STAT4: variants seen among roughly 807,000 people sequenced by gnomAD.
The protein encoded by STAT4 is signal transducer and activator of transcription 4.
In STAT4, 42 loss-of-function variants were observed where a neutral mutation model predicts 110.5. The observed-to-expected ratio is 0.38, with a 90% CI of 0.30 to 0.49. STAT4 has a LOEUF of 0.49. Among genes scored for constraint, STAT4 ranks in the 20% least tolerant of loss-of-function variants. STAT4 has a pLI of 0.95. For missense variants in STAT4, 632 were observed against 887.9 expected (o/e 0.71, Z 3.66); for synonymous variants, 284 against 302.2 (o/e 0.94, Z 0.63).
Position 191,066,506 on chromosome 2 carries a change from T to C in STAT4, c.554A>G (p.Asp185Gly). The C allele has an allele frequency of 6.2e-7, 1 of 1,613,300 alleles. No homozygotes were observed. Among genetic ancestry groups the C allele is most frequent in the Non-Finnish European group, 8.5e-7 (1 of 1,179,550 alleles). ...CTGATTCACCATGGCACTATTCTTG[T>C]CACTCTGATCTGCAAAGGTAAAGAG... ...YKTIQTMDQS[D>G]KNSAMVNQEV... Residue 185 changes from aspartate to glycine, a missense_variant, in exon 7 of 24, where the codon GAC becomes GGC. Asp to Gly is a moderately conservative substitution (Grantham distance 94). Around this residue, in one of 4 missense-constraint regions of STAT4, gnomAD observed 488 missense variants for 632.8 expected, o/e 0.77. Coordinates refer to ENST00000392320, the MANE Select transcript of STAT4 (RefSeq NM_003151.4). The surrounding 1 kb of genome is among the most constrained non-coding windows in gnomAD (Gnocchi z 4.3).
intron 14 of STAT4, among the ~76,000 whole-genome samples, chr2:191,049,167 CTTTT>C (rs11410725): frequency 1.3e-4 from 14 of 104,126 alleles, no homozygotes; most frequent in Non-Finnish European, 2.5e-4. Flanking sequence ...ATGGTAATAG[CTTTT>C]TTTTTTTTTT....
intron 3 of STAT4, among the ~76,000 whole-genome samples, chr2:191,136,020 AAACCAAAAAAC>A (rs1306768909): frequency 3.0e-5 from 4 of 133,402 alleles, no homozygotes; most frequent in African/African-American, 1.1e-4. Context: ...AAAAAAAAAA[AAACCAAAAAAC>A]AAAAAACCAA....
intron 13 of STAT4, 79 bp downstream of exon 13, chr2:191,057,939 A>G: frequency 8.3e-7 from 1 of 1,209,018 alleles, no homozygotes; most frequent in Non-Finnish European, 1.2e-6. Context: ...CACAAAACAT[A>G]CTGAATTATA....
rs1325446789 is a variant in STAT4 at position 191,143,728 on chromosome 2, A to G, written c.273+2885T>C. On this transcript the variant is annotated intron_variant, in intron 3 of 23. Transcript: ENST00000392320. The surrounding 1 kb of genome is among the most constrained non-coding windows in gnomAD (Gnocchi z 5.6). ...TAATTGTCAACATGGTTTGTATTTA[A>G]AATCCCAGAGGATGAAAATATTTAA... Among the ~76,000 whole-genome samples, 2 of 152,224 alleles carry G rather than the reference A, an allele frequency of 1.3e-5. No homozygotes were observed. Among genetic ancestry groups the G allele is most frequent in the Non-Finnish European group, 2.9e-5 (2 of 68,036 alleles).
In STAT4 at chr2:191,035,091, C is replaced by G. The variant is rs559752838; in HGVS notation, c.1571-494G>C. 6.6e-6 allele frequency among the ~76,000 whole-genome samples: 1 copy of G among 152,248 alleles called. No individual in the cohort carries two copies. The highest frequency in any genetic ancestry group is 1.9e-4 in the East Asian group (1 of 5,184). ...GGACTAGAAATCTATTAGATAGTAG[C>G]CATTGGCTGTTTTGATCCAGAGCAG... On this transcript the variant is annotated intron_variant, in intron 17 of 23. Coordinates refer to ENST00000392320, the MANE Select transcript of STAT4 (RefSeq NM_003151.4). The surrounding 1 kb of genome is among the most constrained non-coding windows in gnomAD (Gnocchi z 4.7).
chr2:191,052,548 T>C (rs1264697233), intron 14 of STAT4, among the ~76,000 whole-genome samples: 1 of 152,254 alleles, frequency 6.6e-6, no homozygotes, highest in Admixed American at 6.5e-5. Context: ...ATGATTTACC[T>C]AGATTTCCGT....
chr2:191,085,625 A>G (rs1697615625), intron 3 of STAT4, among the ~76,000 whole-genome samples: 1 of 152,196 alleles, frequency 6.6e-6, no homozygotes, highest in Non-Finnish European at 1.5e-5. Context: ...TGTCATCCAC[A>G]AACAATTGTT....
chr2:191,064,242 G>A (rs1696924458), intron 8 of STAT4, among the ~76,000 whole-genome samples: 1 of 152,158 alleles, frequency 6.6e-6, no homozygotes, highest in Non-Finnish European at 1.5e-5. Flanking sequence ...GGAATAACAT[G>A]CATTATTACC....
chr2:191,115,004 G>T (rs1698534599), intron 3 of STAT4, among the ~76,000 whole-genome samples: 1 of 152,086 alleles, frequency 6.6e-6, no homozygotes, highest in Admixed American at 6.6e-5. Context: ...AGGTAAATTT[G>T]TTTTTTCCCT....
chr2:191,064,794 C>G lies in STAT4; in HGVS notation c.782+13G>C, dbSNP rs1235541891. 7.5e-6 allele frequency: 12 copies of G among 1,603,112 alleles called. No homozygotes were observed. The highest frequency in any genetic ancestry group is 9.4e-6 in the Non-Finnish European group (11 of 1,175,790). On this transcript the variant is annotated intron_variant, in intron 8 of 23. Transcript: ENST00000392320. ...TGTGGTTTTCACTAGAAACTGCAGT[C>G]GATTCGTTTTACCAGTTCTGAAGCT...
At chr2:191,044,348 CAAGAT>C (rs1696288653) in intron 14 of STAT4, among the ~76,000 whole-genome samples, 1 of 152,090 alleles carries the variant, frequency 6.6e-6, no homozygotes. Flanking sequence ...AATCAGAATA[CAAGAT>C]AAGTAGAAGA....
intron 3 of STAT4, among the ~76,000 whole-genome samples, chr2:191,122,642 T>C (rs1698769968): frequency 1.3e-5 from 2 of 152,214 alleles, no homozygotes; most frequent in Admixed American, 6.5e-5. Context: ...TAAATTGTAC[T>C]ATAGTTATAC....
chr2:191,095,498 T>C (rs1001553572), intron 3 of STAT4, among the ~76,000 whole-genome samples: 3 of 152,194 alleles, frequency 2.0e-5, no homozygotes, highest in African/African-American at 7.2e-5. Context: ...CTGAACAACA[T>C]GCTCCTGAAT....
At position 191,031,812 on chromosome 2, in the gene STAT4, T is replaced by G. The variant is rs961212424; in HGVS notation, c.2045-296A>C. Among the ~76,000 whole-genome samples, 13 of 152,244 alleles carry G rather than the reference T, an allele frequency of 8.5e-5. No individual in the cohort carries two copies. The highest frequency in any genetic ancestry group is 3.1e-4 in the African/African-American group (13 of 41,458). ...CAACTCTATTACCTGTTTTCTACGT[T>G]TCATTTATGTTTGATTATAAGGACT... On this transcript the variant is annotated intron_variant, in intron 21 of 23. Coordinates refer to ENST00000392320, the MANE Select transcript of STAT4 (RefSeq NM_003151.4). The surrounding 1 kb of genome is among the most constrained non-coding windows in gnomAD (Gnocchi z 4.8).
chr2:191,132,184 G>C (rs1699053954), intron 3 of STAT4, among the ~76,000 whole-genome samples: 1 of 151,694 alleles, frequency 6.6e-6, no homozygotes, highest in African/African-American at 2.4e-5. Context: ...AATCTTTTCT[G>C]ATTAGTTATT....
chr2:191,117,345 T>C lies in STAT4; in HGVS notation c.273+29268A>G, dbSNP rs1698598436. On this transcript the variant is annotated intron_variant, in intron 3 of 23. Transcript: ENST00000392320. The surrounding 1 kb of genome is among the most constrained non-coding windows in gnomAD (Gnocchi z 5.2). Reference sequence around the variant, plus strand: ...TGTTCTGACTTCAAATTTCAAAGACTTGCCATTGCATCTAATTTAGTGCCA... The same window carrying C: ...TGTTCTGACTTCAAATTTCAAAGACCTGCCATTGCATCTAATTTAGTGCCA... Among the ~76,000 whole-genome samples the C allele has an allele frequency of 6.6e-6, 1 of 152,228 alleles. No individual in the cohort carries two copies. Among genetic ancestry groups the C allele is most frequent in the Non-Finnish European group, 1.5e-5 (1 of 68,044 alleles).
At chr2:191,131,995 C>T (rs1699049169) in intron 3 of STAT4, 1 of 1,227,458 alleles carries the variant, frequency 8.1e-7, no homozygotes, top group Admixed American at 4.2e-5. Flanking sequence ...CAGCATGAAA[C>T]ACGCCATTCA....
At chr2:191,088,982 A>G (rs1697713481) in intron 3 of STAT4, among the ~76,000 whole-genome samples, 1 of 152,176 alleles carries the variant, frequency 6.6e-6, no homozygotes, top group Non-Finnish European at 1.5e-5. Flanking sequence ...CAAAACTATA[A>G]ACGTCTTAGA....
Position 191,125,306 on chromosome 2 carries a change from C to T in STAT4, c.273+21307G>A, listed in dbSNP as rs1490396034. Among the ~76,000 whole-genome samples, 7 of 151,746 alleles carry T rather than the reference C, an allele frequency of 4.6e-5. No homozygotes were observed. In the East Asian group the frequency reaches 7.7e-4, roughly 17 times the overall value. On this transcript the variant is annotated intron_variant, in intron 3 of 23. Coordinates refer to ENST00000392320, the MANE Select transcript of STAT4 (RefSeq NM_003151.4). ...ATTTACGAGGTTCTCATTTTTTAGG[C>T]GCCAACACAGATCTTGGCTACCTGC...
Sources: gnomAD v4.1 joint callset for allele counts (sites outside exome capture counted in the v4.1 genomes callset) on GRCh38, gnomAD v4.1.1 for gene constraint, gnomAD v4.1.1 regional missense constraint, Gnocchi (gnomAD v3.1) non-coding constraint, MANE v1.5 for transcripts, NCBI Gene and HGNC (gene_info 2026-07-23, HGNC 2026-07-21) for gene names.